The following TRDN variants were observed in gnomAD, a reference collection of about 807,000 sequenced individuals.
The protein encoded by TRDN is triadin in skeletal muscle.
TRDN carries 161 observed loss-of-function variants against 149.7 expected under a neutral mutation model. That is an observed-to-expected ratio of 1.08 (90% CI 0.95 to 1.23). The LOEUF is 1.23. TRDN is among the 50% of genes most tolerant of loss of function. The pLI is 0.00. For missense variants in TRDN, 896 were observed against 823.5 expected (o/e 1.09, Z -1.08); for synonymous variants, 294 against 250.5 (o/e 1.17, Z -1.64).
At chr6:123,473,861 G>A (rs1233523893) in intron 9 of TRDN, among the ~76,000 whole-genome samples, 3 of 151,824 alleles carry the variant, frequency 2.0e-5, no homozygotes, top group Non-Finnish European at 2.9e-5. Flanking sequence ...ATAAGCGAAC[G>A]AGAAATAAAA....
At chr6:123,553,680 C>T (rs1214546082) in intron 2 of TRDN, among the ~76,000 whole-genome samples, 8 of 152,132 alleles carry the variant, frequency 5.3e-5, no homozygotes, top group Non-Finnish European at 1.2e-4. Context: ...AGGTGAAAGG[C>T]ATGTCTTACA....
At chr6:123,527,429 G>A (rs1780003333) in intron 5 of TRDN, among the ~76,000 whole-genome samples, 1 of 151,948 alleles carries the variant, frequency 6.6e-6, no homozygotes, top group African/African-American at 2.4e-5. Context: ...TCAACATGTG[G>A]ACCATGGGTA....
chr6:123,552,660 T>C (rs1257825444), intron 2 of TRDN, among the ~76,000 whole-genome samples: 1 of 152,196 alleles, frequency 6.6e-6, no homozygotes, highest in Non-Finnish European at 1.5e-5. Context: ...CATATATTTT[T>C]GCATTAATTT....
Position 123,503,104 on chromosome 6 carries a change from A to G in TRDN, c.793+615T>C. The G allele has an allele frequency of 1.1e-5, 11 of 983,798 alleles. No homozygotes were observed. In the South Asian group the frequency reaches 5.2e-4, roughly 46 times the overall value. The allele number at this position is 983,798 out of a possible 1,614,324, so 60.9% of individuals were successfully genotyped here. ...AGTTTGACATCACTCTTGCTGAAGA[A>G]TGGCGAAATATGTCACATTCAGAGC... On this transcript the variant is annotated intron_variant, in intron 8 of 40. Transcript: ENST00000334268.
At chr6:123,497,499 T>G (rs1778499196) in intron 8 of TRDN, among the ~76,000 whole-genome samples, 1 of 152,130 alleles carries the variant, frequency 6.6e-6, no homozygotes, top group Admixed American at 6.6e-5. Context: ...TTCAGGGTAA[T>G]CTTATAGTGG....
At chr6:123,533,377 T>C (rs940119605) in intron 4 of TRDN, among the ~76,000 whole-genome samples, 2 of 152,088 alleles carry the variant, frequency 1.3e-5, no homozygotes, top group African/African-American at 4.8e-5. Flanking sequence ...GTTAGACTCT[T>C]CCATAGAATC....
At chr6:123,327,889 A>G (rs933956070) in intron 23 of TRDN, among the ~76,000 whole-genome samples, 16 of 152,184 alleles carry the variant, frequency 1.1e-4, no homozygotes, top group Non-Finnish European at 2.1e-4. Flanking sequence ...TTAATATTTA[A>G]ACATAAGTAC....
At chr6:123,448,454 ACTGCTGG>A (rs1775537421) in intron 10 of TRDN, among the ~76,000 whole-genome samples, 1 of 152,186 alleles carries the variant, frequency 6.6e-6, no homozygotes. Flanking sequence ...GAGGCCTGTG[ACTGCTGG>A]CTTTCCCCGA....
chr6:123,410,178 T>C (rs1773372952), intron 12 of TRDN, among the ~76,000 whole-genome samples: 1 of 152,176 alleles, frequency 6.6e-6, no homozygotes. Flanking sequence ...TGGTGTAAAG[T>C]ACATATTGTG....
intron 16 of TRDN, among the ~76,000 whole-genome samples, chr6:123,378,217 C>T (rs186173495): frequency 6.6e-6 from 1 of 152,052 alleles, no homozygotes; most frequent in African/African-American, 2.4e-5. Flanking sequence ...TATATTAGAT[C>T]AATATGAAAT....
chr6:123,513,690 T>C (rs1779282080), intron 6 of TRDN, among the ~76,000 whole-genome samples: 1 of 152,092 alleles, frequency 6.6e-6, no homozygotes, highest in African/African-American at 2.4e-5. Flanking sequence ...AAAATAACAA[T>C]TATTTAACTG....
chr6:123,581,974 T>A (rs565451475), intron 1 of TRDN, among the ~76,000 whole-genome samples: 100 of 152,230 alleles, frequency 6.6e-4, no homozygotes, highest in African/African-American at 2.3e-3. Context: ...GTAAAATAAA[T>A]GAATGGATTT....
intron 12 of TRDN, among the ~76,000 whole-genome samples, chr6:123,408,344 C>T (rs1480744933): frequency 1.3e-5 from 2 of 152,012 alleles, no homozygotes; most frequent in African/African-American, 4.8e-5. Context: ...ATATAAAGTA[C>T]AAAATTCTCA....
At chr6:123,486,410 C>T (rs551075405) in intron 9 of TRDN, among the ~76,000 whole-genome samples, 3 of 151,630 alleles carry the variant, frequency 2.0e-5, no homozygotes, top group East Asian at 1.9e-4. Context: ...TAGAAGTTGC[C>T]GTTTAGCTGA....
intron 12 of TRDN, among the ~76,000 whole-genome samples, chr6:123,412,389 T>C (rs904036140): frequency 2.6e-5 from 4 of 152,204 alleles, no homozygotes; most frequent in African/African-American, 9.6e-5. Flanking sequence ...AAATTTGACT[T>C]CTCAATAACT....
chr6:123,560,592 A>C (rs997039961), intron 2 of TRDN, among the ~76,000 whole-genome samples: 31 of 152,192 alleles, frequency 2.0e-4, no homozygotes, highest in Non-Finnish European at 2.2e-4. Context: ...CTCAGATCCC[A>C]TCGCTCAGGA....
chr6:123,517,841 C>T (rs1338107299), intron 5 of TRDN, among the ~76,000 whole-genome samples: 1 of 152,068 alleles, frequency 6.6e-6, no homozygotes, highest in African/African-American at 2.4e-5. Flanking sequence ...TCACCAATTG[C>T]ACCATGTACA....
At chr6:123,297,292 G>A (rs1285413551) in intron 24 of TRDN, among the ~76,000 whole-genome samples, 1 of 151,974 alleles carries the variant, frequency 6.6e-6, no homozygotes, top group Non-Finnish European at 1.5e-5. Context: ...CCTCAAATGA[G>A]TAGTGAGAAA....
In TRDN at chr6:123,388,547, TGC is replaced by T; in HGVS notation, c.1108_1109del (p.Ala370SerfsTer2). ...CTTCCTTCTTTTCATCCTTCTTAGC[TGC>T]TGCTGAAGTAATGAAAATAGCGTTA... is the stretch of plus-strand genomic sequence containing the variant. ...QGTVKIAAQA[A>X]AKKDEKKEDS... is the part of the protein sequence containing the mutation. On this transcript the variant is annotated frameshift_variant and splice_region_variant, in exon 14 of 41. Transcript: ENST00000334268. LOFTEE classifies it high-confidence loss of function. The T allele has an allele frequency of 6.3e-7, 1 of 1,585,704 alleles. No individual in the cohort carries two copies.
Sources: gnomAD v4.1 joint callset for allele counts (sites outside exome capture counted in the v4.1 genomes callset) on GRCh38, gnomAD v4.1.1 for gene constraint, MANE v1.5 for transcripts, NCBI Gene and HGNC (gene_info 2026-07-23, HGNC 2026-07-21) for gene names.